AMMECR1: variants seen among roughly 807,000 people sequenced by gnomAD.
AMMECR1 encodes nuclear protein AMMECR1.
In AMMECR1, 3 loss-of-function variants were observed where a neutral mutation model predicts 22.5. That is an observed-to-expected ratio of 0.13 (90% CI 0.06 to 0.35). The LOEUF (loss-of-function observed/expected upper bound fraction) is 0.35. AMMECR1 is among the 10% of genes least tolerant of loss of function. The pLI is 1.00. For synonymous variants in AMMECR1, 130 were observed against 116.7 expected (o/e 1.11, Z -0.74); for missense variants, 235 against 278.7 (o/e 0.84, Z 1.12).
At chrX:110,344,385 A>G (rs2068178969) in intron 2 of AMMECR1, among the ~76,000 whole-genome samples, 1 of 112,418 alleles carries the variant, frequency 8.9e-6, no homozygotes, top group Admixed American at 9.4e-5. Context: ...TAAAACCATA[A>G]AAACCCTAGA....
intron 1 of AMMECR1, among the ~76,000 whole-genome samples, chrX:110,316,531 T>C (rs779541723): frequency 1.8e-5 from 2 of 110,281 alleles, no homozygotes; most frequent in Non-Finnish European, 3.8e-5. Flanking sequence ...CTTTACATTC[T>C]GTCTAGCATT....
chrX:110,332,305 C>T (rs190135137), intron 2 of AMMECR1, among the ~76,000 whole-genome samples: 37 of 112,025 alleles, frequency 3.3e-4, no homozygotes, highest in African/African-American at 1.1e-3. Context: ...AACAGACTGT[C>T]AAAGAGCATA....
At chrX:110,213,074 T>C (rs2067455630) in intron 3 of AMMECR1, among the ~76,000 whole-genome samples, 1 of 112,311 alleles carries the variant, frequency 8.9e-6, no homozygotes, top group Non-Finnish European at 1.9e-5. Context: ...ACAGAATATA[T>C]GTATAAAGTT....
chrX:110,233,724 CAAAA>C (rs1228573928), intron 2 of AMMECR1, among the ~76,000 whole-genome samples: 3 of 112,100 alleles, frequency 2.7e-5, no homozygotes, highest in Non-Finnish European at 5.6e-5. Flanking sequence ...GAACCAATGA[CAAAA>C]AACACGATTA....
chrX:110,209,241 T>TA (rs2067435940), intron 3 of AMMECR1, among the ~76,000 whole-genome samples: 1 of 112,259 alleles, frequency 8.9e-6, no homozygotes, highest in Non-Finnish European at 1.9e-5. Context: ...CAGTTTAACT[T>TA]AGTCTACAAA....
At chrX:110,414,369 T>C (rs2068662332) in intron 2 of AMMECR1, among the ~76,000 whole-genome samples, 1 of 112,308 alleles carries the variant, frequency 8.9e-6, no homozygotes, top group East Asian at 2.8e-4. Flanking sequence ...GCCACTTCCA[T>C]GCTCCATACC....
At chrX:110,294,763 C>T (rs1249965155) in intron 1 of AMMECR1, among the ~76,000 whole-genome samples, 2 of 110,757 alleles carry the variant, frequency 1.8e-5, no homozygotes, top group Non-Finnish European at 3.8e-5. Flanking sequence ...AGGTGAGATA[C>T]GTTATACTTA....
chrX:110,391,904 T>G (rs1464908457), intron 2 of AMMECR1, among the ~76,000 whole-genome samples: 1 of 112,129 alleles, frequency 8.9e-6, no homozygotes, highest in African/African-American at 3.2e-5. Context: ...TGTCAAAGGC[T>G]TAAAAAAATG....
chrX:110,422,018 C>A (rs1430223193), intron 2 of AMMECR1, among the ~76,000 whole-genome samples: 1 of 113,059 alleles, frequency 8.8e-6, no homozygotes, highest in African/African-American at 3.2e-5. Context: ...TTCTAAGTTC[C>A]CAGTTTTGAT....
At chrX:110,416,006 CA>C (rs58422043) in intron 2 of AMMECR1, among the ~76,000 whole-genome samples, 7,842 of 74,070 alleles carry the variant, frequency 0.11, 323 homozygotes, top group African/African-American at 0.18. Flanking sequence ...CCAGAAGAGG[CA>C]AAAAAAAAAA....
Position 110,219,564 on chromosome X carries a change from A to G in AMMECR1, c.585-2932T>C, listed in dbSNP as rs988365081. On this transcript the variant is annotated intron_variant, in intron 2 of 5. Transcript: ENST00000262844. ...AAAACATAAGTGAAGATCAGGCTAC[A>G]GTGCTTTTCTCATGACATGGAGCCT... 3 of 748,453 alleles carry G rather than the reference A, an allele frequency of 4.0e-6. No individual in the cohort carries two copies. The African/African-American group carries it at 7.0e-5, about 17-fold the overall frequency. 61.7% of individuals were successfully genotyped at this position (748,453 alleles called of 1,213,427 possible).
chrX:110,283,701 A>C (rs1228068901), intron 1 of AMMECR1, among the ~76,000 whole-genome samples: 2 of 112,355 alleles, frequency 1.8e-5, no homozygotes, highest in Non-Finnish European at 3.8e-5. Flanking sequence ...ACCTCCTAAT[A>C]GCATCATCTT....
chrX:110,291,230 T>C (rs1004666429), intron 1 of AMMECR1, among the ~76,000 whole-genome samples: 3 of 111,139 alleles, frequency 2.7e-5, no homozygotes, highest in African/African-American at 6.5e-5. Context: ...ACATAAATAA[T>C]AGAAAATACA....
intron 1 of AMMECR1, among the ~76,000 whole-genome samples, chrX:110,434,972 C>T (rs2068825861): frequency 9.2e-6 from 1 of 108,183 alleles, no homozygotes; most frequent in Non-Finnish European, 1.9e-5. Context: ...TCCCTTTCCC[C>T]TCATGATCAT....
At position 110,317,497 on chromosome X, in the gene AMMECR1, G is replaced by A. The variant is rs1162950200; in HGVS notation, c.473+102C>T. The A allele has an allele frequency of 7.4e-6, 8 of 1,080,098 alleles. No homozygotes were observed. The African/African-American group carries it at 1.3e-4, about 18-fold the overall frequency. The allele number at this position is 1,080,098 out of a possible 1,213,427, so 89.0% of individuals were successfully genotyped here. On this transcript the variant is annotated intron_variant, in intron 1 of 5. Transcript: ENST00000262844. ...GCTCCGGGGACCCGGGCAGCGAGAG[G>A]GCAGGGGCATCCGCCGGCCGGGAGG...
intron 2 of AMMECR1, among the ~76,000 whole-genome samples, chrX:110,354,049 C>A (rs1186595845): frequency 8.9e-6 from 1 of 112,079 alleles, no homozygotes; most frequent in Admixed American, 9.5e-5. Context: ...ATATCCCATG[C>A]TCATGGATTG....
chrX:110,359,782 C>A (rs969892934), intron 2 of AMMECR1, among the ~76,000 whole-genome samples: 9 of 111,673 alleles, frequency 8.1e-5, no homozygotes, highest in African/African-American at 2.9e-4. Context: ...AATAGCAGCA[C>A]ATATACTAAG....
chrX:110,350,265 G>A (rs1294471920), intron 2 of AMMECR1, among the ~76,000 whole-genome samples: 1 of 111,307 alleles, frequency 9.0e-6, no homozygotes, highest in Non-Finnish European at 1.9e-5. Context: ...TTTGGTGAGG[G>A]GCTTCTAGTT....
chrX:110,378,930 C>A (rs1466214986), intron 2 of AMMECR1, among the ~76,000 whole-genome samples: 2 of 110,459 alleles, frequency 1.8e-5, no homozygotes, highest in African/African-American at 3.3e-5. Flanking sequence ...GTCCACCCCC[C>A]ACCCCTGCTG....
Sources: allele counts gnomAD v4.1 joint callset (sites outside exome capture counted in the v4.1 genomes callset), GRCh38; gene constraint gnomAD v4.1.1; transcripts MANE v1.5; gene names NCBI Gene and HGNC (gene_info 2026-07-23, HGNC 2026-07-21).